Variants in PKIB observed in about 807,000 individuals in gnomAD.
PKIB encodes PKI-beta.
In PKIB, 2 loss-of-function variants were observed where a neutral mutation model predicts 4.5. The observed-to-expected ratio is 0.44, with a 90% CI of 0.18 to 1.39. PKIB has a LOEUF of 1.39. Ranked by LOEUF, PKIB falls within the 40% of genes most tolerant of loss-of-function variation. The pLI is 0.27. For missense variants in PKIB, 94 were observed against 92.6 expected (o/e 1.02, Z -0.06); for synonymous variants, 38 against 36.0 (o/e 1.06, Z -0.20).
chr6:122,507,629 C>T (rs1442033831), intron 2 of PKIB, among the ~76,000 whole-genome samples: 1 of 147,550 alleles, frequency 6.8e-6, no homozygotes, highest in Non-Finnish European at 1.5e-5. Context: ...TTTGAGCCAT[C>T]AGGCGTGTTG....
intron 2 of PKIB, among the ~76,000 whole-genome samples, chr6:122,641,972 C>A (rs539305249): frequency 6.6e-6 from 1 of 152,316 alleles, no homozygotes; most frequent in East Asian, 1.9e-4. Flanking sequence ...GGATTGCAGG[C>A]GTGAGCCACA....
At chr6:122,495,546 C>T (rs891743545) in intron 2 of PKIB, among the ~76,000 whole-genome samples, 2 of 152,086 alleles carry the variant, frequency 1.3e-5, no homozygotes, top group Admixed American at 6.5e-5. Flanking sequence ...CTAGTCCTGG[C>T]CCTTCAGGAG....
intron 4 of PKIB, among the ~76,000 whole-genome samples, chr6:122,723,110 C>T (rs565920724): frequency 6.6e-6 from 1 of 152,274 alleles, no homozygotes; most frequent in Admixed American, 6.5e-5. Flanking sequence ...TCCTCATCTC[C>T]CCTAACTCTA....
At chr6:122,724,656 A>AC (rs1554237421) in intron 4 of PKIB, among the ~76,000 whole-genome samples, 1 of 151,586 alleles carries the variant, frequency 6.6e-6, no homozygotes, top group African/African-American at 2.4e-5. Context: ...AACTTTGATT[A>AC]TTTTTTTTTC....
intron 2 of PKIB, among the ~76,000 whole-genome samples, chr6:122,495,984 T>C (rs562868349): frequency 3.9e-5 from 6 of 152,308 alleles, no homozygotes; most frequent in Admixed American, 2.0e-4. Flanking sequence ...ACTTGCCATC[T>C]CTGTATTCAT....
At chr6:122,679,262 G>A (rs1388262682) in intron 3 of PKIB, among the ~76,000 whole-genome samples, 2 of 152,214 alleles carry the variant, frequency 1.3e-5, no homozygotes, top group Non-Finnish European at 2.9e-5. Context: ...TATAAGTCCT[G>A]AATGGAGGGT....
intron 2 of PKIB, among the ~76,000 whole-genome samples, chr6:122,638,294 A>G (rs543237574): frequency 2.0e-5 from 3 of 152,348 alleles, no homozygotes; most frequent in East Asian, 1.9e-4. Context: ...AGCCTGTACT[A>G]TAACAATCAA....
chr6:122,677,988 A>G (rs1163315012), intron 3 of PKIB, among the ~76,000 whole-genome samples: 1 of 151,362 alleles, frequency 6.6e-6, no homozygotes, highest in East Asian at 2.0e-4. Context: ...GCTCACTGCA[A>G]GCTCTGCCTC....
At chr6:122,689,985 A>C (rs1284896854) in intron 3 of PKIB, among the ~76,000 whole-genome samples, 3 of 152,210 alleles carry the variant, frequency 2.0e-5, no homozygotes, top group Admixed American at 2.0e-4. Flanking sequence ...CTTGCTTAAT[A>C]GACCCCTTTA....
chr6:122,699,761 T>G (rs1017001001), intron 3 of PKIB, among the ~76,000 whole-genome samples: 2 of 152,208 alleles, frequency 1.3e-5, no homozygotes, highest in African/African-American at 4.8e-5. Flanking sequence ...CTAATTTCCA[T>G]TTATTTTTCA....
chr6:122,700,585 T>C (rs540833944), intron 3 of PKIB, among the ~76,000 whole-genome samples: 1 of 152,354 alleles, frequency 6.6e-6, no homozygotes, highest in South Asian at 2.1e-4. Context: ...GAAAGAAAGC[T>C]AGGTTTATAA....
intron 2 of PKIB, among the ~76,000 whole-genome samples, chr6:122,564,707 A>C (rs1049109917): frequency 6.6e-6 from 1 of 152,172 alleles, no homozygotes; most frequent in Non-Finnish European, 1.5e-5. Context: ...GATTTTATTT[A>C]ACAGTTTCAT....
chr6:122,570,316 C>G (rs1773323554), intron 2 of PKIB, among the ~76,000 whole-genome samples: 1 of 152,130 alleles, frequency 6.6e-6, no homozygotes, highest in African/African-American at 2.4e-5. Flanking sequence ...TGAGGGCTTC[C>G]CAGCCACCTT....
chr6:122,659,586 A>ATGGTGAGAGTTCCACTG (rs1301948139), intron 2 of PKIB, among the ~76,000 whole-genome samples: 1 of 152,206 alleles, frequency 6.6e-6, no homozygotes, highest in Non-Finnish European at 1.5e-5. Context: ...AGAGTGAAAC[A>ATGGTGAGAGTTCCACTG]TGGTGAGAGT....
chr6:122,538,184 T>G (rs1451104213), intron 2 of PKIB, among the ~76,000 whole-genome samples: 164 of 151,786 alleles, frequency 1.1e-3, no homozygotes, highest in Non-Finnish European at 1.6e-3. Flanking sequence ...TTAGTTTAAT[T>G]AGATCCCATT....
intron 2 of PKIB, among the ~76,000 whole-genome samples, chr6:122,505,824 CTTA>C (rs1326284555): frequency 6.6e-5 from 10 of 151,944 alleles, no homozygotes; most frequent in Admixed American, 5.9e-4. Flanking sequence ...ATGCTTTAAG[CTTA>C]TTATATGATC....
At chr6:122,507,408 G>A (rs1776442525) in intron 2 of PKIB, among the ~76,000 whole-genome samples, 1 of 152,130 alleles carries the variant, frequency 6.6e-6, no homozygotes, top group Admixed American at 6.5e-5. Flanking sequence ...TATCTAATAG[G>A]TATAATTTTG....
At chr6:122,594,345 T>G (rs1774107890) in intron 3 of PKIB, among the ~76,000 whole-genome samples, 1 of 152,170 alleles carries the variant, frequency 6.6e-6, no homozygotes, top group East Asian at 1.9e-4. Flanking sequence ...AAGCTGAGAT[T>G]ACAGGCGTGC....
At chr6:122,596,190 G>T (rs916296899) in intron 3 of PKIB, among the ~76,000 whole-genome samples, 2 of 152,180 alleles carry the variant, frequency 1.3e-5, no homozygotes, top group African/African-American at 4.8e-5. Flanking sequence ...CTGTCCTTCA[G>T]GGATGTCCTA....
Sources: allele counts gnomAD v4.1 joint callset (sites outside exome capture counted in the v4.1 genomes callset), GRCh38; gene constraint gnomAD v4.1.1; transcripts MANE v1.5; gene names NCBI Gene and HGNC (gene_info 2026-07-23, HGNC 2026-07-21).